Variants in GPHN observed in about 807,000 individuals in gnomAD.
GPHN encodes the protein gephyrin.
A neutral mutation model predicts 95.5 loss-of-function variants in GPHN; 17 were observed. That is an observed-to-expected ratio of 0.18 (90% CI 0.12 to 0.27). The LOEUF is 0.27. Ranked by LOEUF, GPHN falls within the 10% of genes least tolerant of loss-of-function variation. The pLI is 1.00. For missense variants in GPHN, 660 were observed against 978.1 expected (o/e 0.67, Z 4.34); for synonymous variants, 320 against 322.5 (o/e 0.99, Z 0.08).
intron 1 of GPHN, among the ~76,000 whole-genome samples, chr14:66,530,862 G>A (rs894362896): frequency 2.0e-5 from 3 of 151,844 alleles, no homozygotes; most frequent in South Asian, 2.1e-4. Flanking sequence ...TGCCTTCTGC[G>A]TTGATCTCGC....
At chr14:67,298,047 T>C in the GPHN span, among the ~76,000 whole-genome samples, 1 of 151,930 alleles carries the variant, frequency 6.6e-6, no homozygotes, top group Non-Finnish European at 1.5e-5. Context: ...TAATGCTGAA[T>C]CAAAAAGGTT....
At chr14:67,085,617 G>A (rs752013172) in intron 11 of GPHN, among the ~76,000 whole-genome samples, 2 of 152,212 alleles carry the variant, frequency 1.3e-5, no homozygotes, top group Non-Finnish European at 2.9e-5. Context: ...AACTTAGGGT[G>A]TAAAAGTGAC....
intron 9 of GPHN, chr14:66,985,682 C>G: frequency 6.5e-7 from 1 of 1,527,126 alleles, no homozygotes; most frequent in Non-Finnish European, 8.8e-7. Context: ...CTCATTGTAG[C>G]AAATTAGACG....
chr14:66,917,048 A>G (rs1043856903), intron 6 of GPHN, among the ~76,000 whole-genome samples: 1 of 152,122 alleles, frequency 6.6e-6, no homozygotes, highest in African/African-American at 2.4e-5. Flanking sequence ...TTTTGTATTA[A>G]GTTACTAATT....
intron 1 of GPHN, among the ~76,000 whole-genome samples, chr14:66,614,822 T>G (rs1462217975): frequency 6.6e-6 from 1 of 151,970 alleles, no homozygotes; most frequent in East Asian, 1.9e-4. Flanking sequence ...TGTGCCATGG[T>G]GGTTTGCTGC....
At chr14:67,609,296 A>G in the GPHN span, among the ~76,000 whole-genome samples, 1 of 152,210 alleles carries the variant, frequency 6.6e-6, no homozygotes, top group Non-Finnish European at 1.5e-5. Context: ...ATTATAACGC[A>G]TATTTTAAAG....
intron 1 of GPHN, among the ~76,000 whole-genome samples, chr14:66,605,026 C>A (rs2062450980): frequency 6.6e-6 from 1 of 152,132 alleles, no homozygotes; most frequent in South Asian, 2.1e-4. Flanking sequence ...CTGCAAAGGA[C>A]ACATTTCAGT....
At chr14:67,513,813 A>G in the GPHN span, among the ~76,000 whole-genome samples, 1 of 152,220 alleles carries the variant, frequency 6.6e-6, no homozygotes, top group Admixed American at 6.5e-5. Flanking sequence ...CCAAAGGGCT[A>G]TCCTGCCACA....
At chr14:67,140,404 C>T (rs2080382823) in intron 17 of GPHN, among the ~76,000 whole-genome samples, 1 of 150,144 alleles carries the variant, frequency 6.7e-6, no homozygotes, top group Non-Finnish European at 1.5e-5. Flanking sequence ...AAAAAAAGTA[C>T]GATAAAGCAC....
chr14:66,709,430 A>T, intron 2 of GPHN: 1 of 455,846 alleles, frequency 2.2e-6, no homozygotes, highest in Non-Finnish European at 4.4e-6. Context: ...GCGATACCAC[A>T]ATAGCTGATC....
intron 4 of GPHN, among the ~76,000 whole-genome samples, chr14:66,867,862 A>G (rs1567038587): frequency 6.6e-6 from 1 of 152,150 alleles, no homozygotes; most frequent in African/African-American, 2.4e-5. Context: ...CATCAGCAGT[A>G]TGTTTTTCAA....
chr14:67,686,638 CAAAA>C, the GPHN span, among the ~76,000 whole-genome samples: 13 of 80,196 alleles, frequency 1.6e-4, no homozygotes, highest in Admixed American at 2.8e-4. Flanking sequence ...GACACCGGTG[CAAAA>C]AAAAAAAAAA....
At chr14:67,353,178 C>G in the GPHN span, 1 of 638,022 alleles carries the variant, frequency 1.6e-6, no homozygotes, top group East Asian at 2.7e-5. Context: ...TTGTAGCTGA[C>G]AGGTTTAACT....
At chr14:67,316,381 A>G in the GPHN span, among the ~76,000 whole-genome samples, 5 of 152,304 alleles carry the variant, frequency 3.3e-5, 1 homozygote, top group South Asian at 1.0e-3. Flanking sequence ...ATGCAAGGGA[A>G]TATACTGAAT....
Position 66,674,191 on chromosome 14 carries a change from C to T in GPHN, c.65-6916C>T, listed in dbSNP as rs2066457825. Among the ~76,000 whole-genome samples the T allele has an allele frequency of 4.6e-5, 7 of 151,912 alleles. No individual in the cohort carries two copies. The South Asian group carries it at 8.4e-4, about 18-fold the overall frequency. On this transcript the variant is annotated intron_variant, in intron 1 of 22. Coordinates refer to ENST00000478722, the MANE Select transcript of GPHN (RefSeq NM_020806.5). ...TCGGCTCACTGCAACCTCTGCCTCC[C>T]GGGTTCATGCCATTCTCCTGCCTCA...
At chr14:67,315,953 T>G in the GPHN span, among the ~76,000 whole-genome samples, 5 of 152,260 alleles carry the variant, frequency 3.3e-5, no homozygotes, top group Non-Finnish European at 7.3e-5. Flanking sequence ...CTTTAATGCT[T>G]CTTATGTGTA....
chr14:67,387,420 A>C, the GPHN span: 4 of 1,610,040 alleles, frequency 2.5e-6, no homozygotes, highest in Non-Finnish European at 2.5e-6. Context: ...CTTAGTAATC[A>C]CTTTGAAGAG....
intron 22 of GPHN, among the ~76,000 whole-genome samples, chr14:67,180,213 G>A (rs1013342823): frequency 1.2e-4 from 19 of 152,288 alleles, no homozygotes; most frequent in African/African-American, 4.3e-4. Context: ...AATTTTTGAT[G>A]TGACTCCAGA....
Position 67,103,511 on chromosome 14 carries a change from C to CTTT in GPHN, c.1293+2624_1293+2626dup. Among the ~76,000 whole-genome samples, 139 of 53,410 alleles carry CTTT rather than the reference C, an allele frequency of 2.6e-3. 4 individuals are homozygous for CTTT. The highest frequency in any genetic ancestry group is 5.0e-3 in the African/African-American group (62 of 12,308). 35.0% of individuals were successfully genotyped at this position (53,410 alleles called of 152,430 possible). A position where few individuals can be genotyped will look rare whatever the true frequency, so the allele number is the denominator to read the frequency against. ...ACGACATGGGATGCTGTTTCTTTCTCTTTTTTTTTTTTTTTTTTTTTTTTT... is the reference window on the plus strand; with the variant it reads ...ACGACATGGGATGCTGTTTCTTTCTCTTTTTTTTTTTTTTTTTTTTTTTTTTTT... On this transcript the variant is annotated intron_variant, in intron 13 of 22. Coordinates refer to ENST00000478722, the MANE Select transcript of GPHN (RefSeq NM_020806.5).
Sources: gnomAD v4.1 joint callset for allele counts (sites outside exome capture counted in the v4.1 genomes callset) on GRCh38, gnomAD v4.1.1 for gene constraint, MANE v1.5 for transcripts, NCBI Gene and HGNC (gene_info 2026-07-23, HGNC 2026-07-21) for gene names.